The following NWD1 variants were observed in gnomAD, a reference collection of about 807,000 sequenced individuals.
NWD1 encodes the protein NACHT domain- and WD repeat-containing protein 1.
NWD1 carries 129 observed loss-of-function variants against 135.1 expected under a neutral mutation model. The ratio of observed to expected loss-of-function variants is 0.96; its 90% CI spans 0.83 to 1.11. The LOEUF (loss-of-function observed/expected upper bound fraction) is 1.11, where lower values mean the gene tolerates loss of function less well. NWD1 is among the 50% of genes least tolerant of loss of function. The probability of loss-of-function intolerance (pLI) is 0.00; values close to 1 mark genes in which losing one functional copy is unlikely to be tolerated. For missense variants in NWD1, 1,740 were observed against 1,851.3 expected (o/e 0.94, Z 1.10); for synonymous variants, 773 against 786.0 (o/e 0.98, Z 0.28).
At chr19:16,804,893 C>T (rs956332921) in intron 17 of NWD1, among the ~76,000 whole-genome samples, 6 of 151,792 alleles carry the variant, frequency 4.0e-5, no homozygotes, top group Non-Finnish European at 5.9e-5. Context: ...GGTACAATGA[C>T]GGCTCAGTGC....
chr19:16,734,170 T>TA (rs1967694245), intron 3 of NWD1, among the ~76,000 whole-genome samples: 1 of 152,106 alleles, frequency 6.6e-6, no homozygotes, highest in Non-Finnish European at 1.5e-5. Flanking sequence ...AACACCCTCC[T>TA]TTGCAAGGAA....
In NWD1 at chr19:16,765,140, G is replaced by A. The variant is rs1457922730; in HGVS notation, c.2358G>A (p.Leu786=). The A allele has an allele frequency of 6.2e-7, 1 of 1,614,094 alleles. No homozygotes were observed. The highest frequency in any genetic ancestry group is 8.5e-7 in the Non-Finnish European group (1 of 1,180,018). Residue 786 remains leucine (L), a synonymous_variant, in exon 10 of 19, where the codon CTG becomes CTA. Transcript: ENST00000524140. Reference sequence around the variant, plus strand: ...ACCTGGACTCCCCTGAGGTTGGCCTGGTCCGTGAAGCCCTCCAGCTCTGCC... The same window carrying A: ...ACCTGGACTCCCCTGAGGTTGGCCTAGTCCGTGAAGCCCTCCAGCTCTGCC... ...APHLDSPEVG[L]VREALQLCRP...
intron 14 of NWD1, among the ~76,000 whole-genome samples, chr19:16,793,557 G>A (rs893141510): frequency 7.5e-6 from 1 of 134,048 alleles, no homozygotes. Context: ...TTTTTTAACT[G>A]TTTTTTTGTT....
chr19:16,792,229 G>A (rs549674442), intron 14 of NWD1, among the ~76,000 whole-genome samples: 195 of 152,176 alleles, frequency 1.3e-3, no homozygotes, highest in Non-Finnish European at 2.2e-3. Context: ...TTGGTGGACG[G>A]CTGCTTTCAT....
At chr19:16,765,467 A>G (rs1969189093) in intron 10 of NWD1, among the ~76,000 whole-genome samples, 2 of 152,074 alleles carry the variant, frequency 1.3e-5, no homozygotes, top group Non-Finnish European at 2.9e-5. Context: ...CTGAGTAGCT[A>G]GGACCACAGG....
intron 17 of NWD1, chr19:16,801,311 T>A (rs2123106499): frequency 6.6e-6 from 1 of 152,576 alleles, no homozygotes; most frequent in East Asian, 1.9e-4. Context: ...TGGTGGCATG[T>A]GCTTGTTGTT....
At chr19:16,764,906 C>T (rs1969163113) in intron 9 of NWD1, 128 bp from the exon 10 acceptor site, 2 of 997,796 alleles carry the variant, frequency 2.0e-6, no homozygotes, top group Non-Finnish European at 1.5e-6. Context: ...AGAGAATGAT[C>T]CTGCCCCAGT....
Position 16,815,137 on chromosome 19 carries a change from C to A in NWD1, c.*98C>A. On this transcript the variant is annotated 3_prime_UTR_variant, in exon 19 of 19. Transcript: ENST00000524140. ...ATGGTTATCTGATCCGAGAGAATTT[C>A]CAGTGCCTTTCAGCAAAAGCCTCAC... 1 of 1,279,256 alleles carries A rather than the reference C, an allele frequency of 7.8e-7. No homozygotes were observed. Among genetic ancestry groups the A allele is most frequent in the Non-Finnish European group, 1.1e-6 (1 of 874,130 alleles). 79.2% of individuals were successfully genotyped at this position (1,279,256 alleles called of 1,614,324 possible). A position where few individuals can be genotyped will look rare whatever the true frequency, so the allele number is the denominator to read the frequency against.
intron 2 of NWD1, among the ~76,000 whole-genome samples, chr19:16,728,389 A>T (rs1444620879): frequency 6.9e-6 from 1 of 143,948 alleles, no homozygotes; most frequent in African/African-American, 2.6e-5. Context: ...GGTTCAAGGG[A>T]TTCTCCTGCC....
chr19:16,767,067 G>A (rs1253670138), intron 10 of NWD1, among the ~76,000 whole-genome samples: 1 of 151,990 alleles, frequency 6.6e-6, no homozygotes, highest in South Asian at 2.1e-4. Context: ...CCCAAGACTG[G>A]GTAATTTACA....
intron 12 of NWD1, among the ~76,000 whole-genome samples, chr19:16,786,552 A>G (rs191347875): frequency 7.4e-6 from 1 of 136,018 alleles, no homozygotes; most frequent in African/African-American, 3.4e-5. Flanking sequence ...TGTTGGGGAC[A>G]CTTTTTTTTT....
At chr19:16,726,374 A>G (rs1427083978) in intron 2 of NWD1, among the ~76,000 whole-genome samples, 1 of 152,142 alleles carries the variant, frequency 6.6e-6, no homozygotes, top group Admixed American at 6.6e-5. Flanking sequence ...CCTCTGGAAT[A>G]GCTGGGATTA....
intron 15 of NWD1, among the ~76,000 whole-genome samples, chr19:16,794,808 G>T (rs893479975): frequency 2.0e-5 from 3 of 151,956 alleles, no homozygotes; most frequent in Non-Finnish European, 4.4e-5. Context: ...TTTAAATAGG[G>T]TCTTGCTGTG....
At chr19:16,734,113 G>A (rs919945742) in intron 3 of NWD1, among the ~76,000 whole-genome samples, 4 of 152,188 alleles carry the variant, frequency 2.6e-5, no homozygotes, top group African/African-American at 7.2e-5. Context: ...AACTGCAAGC[G>A]TGCGGTTGCC....
At chr19:16,773,083 G>T in intron 10 of NWD1, 43 bp from the exon 11 acceptor site, 1 of 1,557,888 alleles carries the variant, frequency 6.4e-7, no homozygotes, top group Admixed American at 1.7e-5. Flanking sequence ...GAGGGTAGAG[G>T]GGGCTCAATC....
At position 16,728,583 on chromosome 19, in the gene NWD1, C is replaced by CTG. The variant is rs1380060637; in HGVS notation, c.-6-2609_-6-2608insTG. 5.3e-5 allele frequency among the ~76,000 whole-genome samples: 8 copies of CTG among 151,918 alleles called. No individual in the cohort carries two copies. The East Asian group carries it at 1.4e-3, about 26-fold the overall frequency. ...TACAGGCGTGAGCCACCATGCCTGGCCACACCACTCCATGTATATGTGCTC... is the reference window on the plus strand; with the variant it reads ...TACAGGCGTGAGCCACCATGCCTGGCTGCACACCACTCCATGTATATGTGCTC... On this transcript the variant is annotated intron_variant, in intron 2 of 18. Transcript: ENST00000524140.
intron 2 of NWD1, among the ~76,000 whole-genome samples, chr19:16,725,947 T>G (rs2122669959): frequency 2.0e-5 from 1 of 49,062 alleles, no homozygotes; most frequent in Non-Finnish European, 4.7e-5. Flanking sequence ...GCTACATTGT[T>G]TTTTTTTTGT....
At chr19:16,764,360 TGTCCATCC>T (rs1354489725) in intron 9 of NWD1, among the ~76,000 whole-genome samples, 1 of 99,384 alleles carries the variant, frequency 1.0e-5, no homozygotes, top group Non-Finnish European at 2.1e-5. Context: ...ACCCATCTTC[TGTCCATCC>T]ATCCATCCAT....
At chr19:16,773,077 G>T in intron 10 of NWD1, 49 bp from the exon 11 acceptor site, 2 of 1,520,920 alleles carry the variant, frequency 1.3e-6, no homozygotes, top group Non-Finnish European at 1.8e-6. Flanking sequence ...GGCAGGGAGG[G>T]TAGAGGGGGC....
Sources: gnomAD v4.1 joint callset for allele counts (sites outside exome capture counted in the v4.1 genomes callset) on GRCh38, gnomAD v4.1.1 for gene constraint, MANE v1.5 for transcripts, NCBI Gene and HGNC (gene_info 2026-07-23, HGNC 2026-07-21) for gene names.